Variants in VWA5B1 observed in about 807,000 individuals in gnomAD.
VWA5B1 encodes von Willebrand factor A domain containing 5B1.
In VWA5B1, 115 loss-of-function variants were observed where a neutral mutation model predicts 118.2. The observed-to-expected ratio is 0.97, with a 90% CI of 0.84 to 1.14. The LOEUF (loss-of-function observed/expected upper bound fraction) is 1.14, where lower values mean the gene tolerates loss of function less well. Among genes scored for constraint, VWA5B1 ranks in the 50% most tolerant of loss-of-function variants. VWA5B1 has a pLI of 0.00. For synonymous variants in VWA5B1, 682 were observed against 658.4 expected (o/e 1.04, Z -0.55); for missense variants, 1,596 against 1,603.8 (o/e 1.00, Z 0.08).
At chr1:20,291,180 G>GTGTGTGTA (rs2088291214) in intron 1 of VWA5B1, 92 bp downstream of exon 1, 1 of 154,098 alleles carries the variant, frequency 6.5e-6, no homozygotes, top group Admixed American at 6.6e-5. Flanking sequence ...GTGTGTGTAT[G>GTGTGTGTA]TGTGTGTGTG....
intron 1 of VWA5B1, among the ~76,000 whole-genome samples, chr1:20,300,802 A>G (rs985708427): frequency 1.6e-4 from 25 of 152,370 alleles, no homozygotes; most frequent in African/African-American, 6.0e-4. Flanking sequence ...AGGAAGAAGT[A>G]CAGTTTTGAC....
At chr1:20,336,818 C>T (rs1428508614) in intron 13 of VWA5B1, among the ~76,000 whole-genome samples, 1 of 152,178 alleles carries the variant, frequency 6.6e-6, no homozygotes. Context: ...AGACATGTCC[C>T]CTGCCCTTCC....
At chr1:20,318,509 G>T in intron 5 of VWA5B1, 81 bp from the exon 6 acceptor site, 2 of 1,536,336 alleles carry the variant, frequency 1.3e-6, no homozygotes, top group Non-Finnish European at 8.8e-7. Context: ...TCTCTGGCCT[G>T]GATCTCGGTG....
Position 20,352,147 on chromosome 1 carries a change from A to AC in VWA5B1, c.3118dup (p.Gln1040ProfsTer26). The AC allele has an allele frequency of 6.4e-7, 1 of 1,551,308 alleles. No homozygotes were observed. The highest frequency in any genetic ancestry group is 8.7e-7 in the Non-Finnish European group (1 of 1,146,908). The stretch of plus-strand genomic sequence containing the variant: ...AAAGCTGTGGAGTCGACCTCCGGGA[A>AC]CCAGAGCTTCGACTACATACCTCTG... On this transcript the variant is annotated frameshift_variant, in exon 21 of 22. Coordinates refer to ENST00000289815, the MANE Select transcript of VWA5B1 (RefSeq NM_001039500.3). LOFTEE classifies it low-confidence loss of function (END_TRUNC).
chr1:20,328,063 G>T, intron 9 of VWA5B1, 63 bp downstream of exon 9: 1 of 1,468,628 alleles, frequency 6.8e-7, no homozygotes, highest in South Asian at 1.2e-5. Context: ...AGGAAAGGAG[G>T]GAAAGGGGAA....
rs561547573 is a variant in VWA5B1, at chr1:20,337,567, C to G, written c.1943-79C>G. On this transcript the variant is annotated intron_variant, in intron 13 of 21. Coordinates refer to ENST00000289815, the MANE Select transcript of VWA5B1 (RefSeq NM_001039500.3). ...AGAGGTGGAGAACGTGAGACACTTC[C>G]AAACAGGAAAGGGGATGCAAGCCCC... The G allele has an allele frequency of 4.2e-6, 6 of 1,439,212 alleles. No individual in the cohort carries two copies. The East Asian group carries it at 1.0e-4, about 24-fold the overall frequency. The allele number at this position is 1,439,212 out of a possible 1,614,324, so 89.2% of individuals were successfully genotyped here.
chr1:20,307,193 C>T (rs2088681815), intron 1 of VWA5B1, among the ~76,000 whole-genome samples: 1 of 152,240 alleles, frequency 6.6e-6, no homozygotes, highest in South Asian at 2.1e-4. Flanking sequence ...TCACACCAGA[C>T]ACCATTCCGA....
chr1:20,291,926 T>C (rs2100788551), intron 1 of VWA5B1, among the ~76,000 whole-genome samples: 1 of 152,224 alleles, frequency 6.6e-6, no homozygotes, highest in East Asian at 1.9e-4. Flanking sequence ...TTCCACCCCA[T>C]GCTCCCGCCG....
chr1:20,336,112 C>T (rs961415954), intron 12 of VWA5B1, among the ~76,000 whole-genome samples, 191 bp from the exon 13 acceptor site: 1 of 152,072 alleles, frequency 6.6e-6, no homozygotes, highest in African/African-American at 2.4e-5. Flanking sequence ...TGTTATGAAA[C>T]GATAATTCCA....
At position 20,312,907 on chromosome 1, in the gene VWA5B1, G is replaced by A. The variant is rs532220674; in HGVS notation, c.211G>A (p.Val71Met). Residue 71 changes from valine to methionine, a missense_variant, in exon 3 of 22, where the codon GTG (valine) becomes ATG (methionine). Val to Met is a conservative substitution (Grantham distance 21). Coordinates refer to ENST00000289815, the MANE Select transcript of VWA5B1 (RefSeq NM_001039500.3). Reference protein sequence around the residue: ...GFEAVIADRVVTVQIKDKAKL... With the variant: ...GFEAVIADRVMTVQIKDKAKL... ...TGAGGCAGTCATTGCCGACCGTGTCGTGACAGTACAGATCAAGGACAAAGC... is the reference window on the plus strand; with the variant it reads ...TGAGGCAGTCATTGCCGACCGTGTCATGACAGTACAGATCAAGGACAAAGC... 29 of 1,551,682 alleles carry A rather than the reference G, an allele frequency of 1.9e-5. No individual in the cohort carries two copies. Among genetic ancestry groups the A allele is most frequent in the Middle Eastern group, 1.7e-4 (1 of 5,992 alleles).
At chr1:20,300,066 G>A (rs915651256) in intron 1 of VWA5B1, among the ~76,000 whole-genome samples, 1 of 152,056 alleles carries the variant, frequency 6.6e-6, no homozygotes, top group Admixed American at 6.6e-5. Context: ...CCAGATGCTT[G>A]GATTCAAATC....
chr1:20,319,603 C>A, intron 7 of VWA5B1, 97 bp downstream of exon 7: 1 of 1,489,474 alleles, frequency 6.7e-7, no homozygotes, highest in Non-Finnish European at 9.0e-7. Context: ...GGTAACCTGC[C>A]CGAGGTCATC....
chr1:20,348,515 C>T lies in VWA5B1; in HGVS notation c.2878+157C>T, dbSNP rs2090056648. On this transcript the variant is annotated intron_variant, in intron 18 of 21. Transcript: ENST00000289815. ...AAGGCAAAGCCAGTCCTCCCAGGCT[C>T]TCTGAAGCCTAAGAGGGACAGAGAG... is the stretch of plus-strand genomic sequence containing the variant. The T allele has an allele frequency of 1.1e-5, 8 of 743,260 alleles. No individual in the cohort carries two copies. The South Asian group carries it at 1.4e-4, about 13-fold the overall frequency. 46.0% of individuals were successfully genotyped at this position (743,260 alleles called of 1,614,324 possible). A position where few individuals can be genotyped will look rare whatever the true frequency, so the allele number is the denominator to read the frequency against.
chr1:20,334,188 G>A (rs1020354519), intron 12 of VWA5B1, among the ~76,000 whole-genome samples: 1 of 152,178 alleles, frequency 6.6e-6, no homozygotes, highest in Non-Finnish European at 1.5e-5. Flanking sequence ...TTAATGTTAT[G>A]AAATGTTTTC....
intron 15 of VWA5B1, 103 bp from the exon 16 acceptor site, chr1:20,342,976 C>A: frequency 6.9e-7 from 1 of 1,446,414 alleles, no homozygotes; most frequent in Non-Finnish European, 9.1e-7. Flanking sequence ...GTGGGTTGTA[C>A]TTGCTTAGAA....
intron 1 of VWA5B1, among the ~76,000 whole-genome samples, chr1:20,297,035 G>C (rs1553193476): frequency 6.6e-6 from 1 of 152,194 alleles, no homozygotes; most frequent in Non-Finnish European, 1.5e-5. Context: ...TGATTGTCAG[G>C]CTCTCTTCTA....
intron 1 of VWA5B1, among the ~76,000 whole-genome samples, chr1:20,309,356 G>A (rs909576380): frequency 3.3e-5 from 5 of 152,214 alleles, no homozygotes; most frequent in African/African-American, 1.2e-4. Context: ...TCCGTGGGGG[G>A]ATGACAGAGG....
chr1:20,305,349 A>G (rs550801565), intron 1 of VWA5B1, among the ~76,000 whole-genome samples: 3 of 152,194 alleles, frequency 2.0e-5, no homozygotes, highest in African/African-American at 7.2e-5. Flanking sequence ...CAGGTTGTTG[A>G]TGCACTGTTC....
At chr1:20,326,004 A>G (rs1303137961) in intron 8 of VWA5B1, among the ~76,000 whole-genome samples, 1 of 152,200 alleles carries the variant, frequency 6.6e-6, no homozygotes, top group South Asian at 2.1e-4. Context: ...TTCAGCTGCC[A>G]CTTGCTGCCA....
Sources: allele counts gnomAD v4.1 joint callset (sites outside exome capture counted in the v4.1 genomes callset), GRCh38; gene constraint gnomAD v4.1.1; transcripts MANE v1.5; gene names NCBI Gene and HGNC (gene_info 2026-07-23, HGNC 2026-07-21).